TRDN: variants seen among roughly 807,000 people sequenced by gnomAD.
The protein encoded by TRDN is triadin in skeletal muscle.
Under a neutral mutation model 149.7 loss-of-function variants are expected in TRDN, and 161 were observed. The ratio of observed to expected loss-of-function variants is 1.08; its 90% CI spans 0.95 to 1.23. The LOEUF (loss-of-function observed/expected upper bound fraction) is 1.23, where lower values mean the gene tolerates loss of function less well. TRDN is among the 50% of genes most tolerant of loss of function. The pLI is 0.00. For synonymous variants in TRDN, 294 were observed against 250.5 expected (o/e 1.17, Z -1.64); for missense variants, 896 against 823.5 (o/e 1.09, Z -1.08).
chr6:123,416,100 G>A (rs1773639227), intron 12 of TRDN, among the ~76,000 whole-genome samples: 1 of 152,172 alleles, frequency 6.6e-6, no homozygotes, highest in Non-Finnish European at 1.5e-5. Context: ...TTCAGTGACA[G>A]CAGTGTCACT....
rs760326107 is a variant in TRDN, at chr6:123,571,036, A to C, written c.119T>G (p.Ile40Arg). ...TGCAGGGGAGCTGAACGTCGTCACT[A>C]TGTCTTCTGTGACTGTCCTCTTCAG... Reference protein sequence around the residue: ...KVLKRTVTEDIVTTFSSPAAW... With the variant: ...KVLKRTVTEDRVTTFSSPAAW... The change falls in exon 2 of 41, where the codon ATA becomes AGA. Residue 40 changes from isoleucine (I) to arginine (R), a missense_variant. Physicochemically the swap from Ile to Arg is moderately conservative, Grantham distance 97 (BLOSUM62 -3). Transcript: ENST00000334268. 1.9e-6 allele frequency: 3 copies of C among 1,613,964 alleles called. No homozygotes were observed. Among genetic ancestry groups the C allele is most frequent in the South Asian group, 2.2e-5 (2 of 91,076 alleles).
At chr6:123,372,134 C>T (rs1041086166) in intron 19 of TRDN, among the ~76,000 whole-genome samples, 2 of 151,998 alleles carry the variant, frequency 1.3e-5, no homozygotes, top group Non-Finnish European at 2.9e-5. Context: ...TTCCCGGAGA[C>T]TTCTGCCATT....
chr6:123,218,714 A>G lies in TRDN; in HGVS notation c.2077T>C (p.Tyr693His), dbSNP rs1775030256. 6.3e-7 allele frequency: 1 copy of G among 1,584,260 alleles called. No homozygotes were observed. The highest frequency in any genetic ancestry group is 1.1e-5 in the South Asian group (1 of 88,016). The change falls in exon 41 of 41, where the codon TAC (tyrosine) becomes CAC (histidine). Residue 693 changes from tyrosine to histidine, a missense_variant. Coordinates refer to ENST00000334268, the MANE Select transcript of TRDN (RefSeq NM_006073.4). ...CCATAGCCATTGTACCCATCCAAGTAGACACACTGGAAGAAACTGATGGGA... is the reference window on the plus strand; with the variant it reads ...CCATAGCCATTGTACCCATCCAAGTGGACACACTGGAAGAAACTGATGGGA... ...KSPISFFQCV[Y>H]LDGYNGYGFQ...
chr6:123,571,002 A>G lies in TRDN; in HGVS notation c.153T>C (p.Leu51=), dbSNP rs899552776. Residue 51 remains leucine, a synonymous_variant, in exon 2 of 41, where the codon CTT becomes CTC. Coordinates refer to ENST00000334268, the MANE Select transcript of TRDN (RefSeq NM_006073.4). The stretch of plus-strand genomic sequence containing the variant: ...ACGTGATTATCAGGGCAATGACCAG[A>G]AGCCAGGCTGCAGGGGAGCTGAACG... ...VTTFSSPAAW[L]LVIALIITWS... 2 of 1,614,010 alleles carry G rather than the reference A, an allele frequency of 1.2e-6. No homozygotes were observed. The highest frequency in any genetic ancestry group is 1.7e-6 in the Non-Finnish European group (2 of 1,179,860).
At chr6:123,294,479 G>T (rs1451382554) in intron 24 of TRDN, among the ~76,000 whole-genome samples, 1 of 152,152 alleles carries the variant, frequency 6.6e-6, no homozygotes, top group Non-Finnish European at 1.5e-5. Flanking sequence ...GGGGTCGGGG[G>T]TGTGGATAGG....
chr6:123,266,208 TATATATTATA>T (rs1412900296), intron 32 of TRDN, among the ~76,000 whole-genome samples: 1 of 74,128 alleles, frequency 1.3e-5, no homozygotes, highest in Non-Finnish European at 2.3e-5. Flanking sequence ...TTATATATTA[TATATATTATA>T]ATATGTATTA....
chr6:123,268,772 C>A (rs1325775889), intron 31 of TRDN, among the ~76,000 whole-genome samples: 2 of 151,842 alleles, frequency 1.3e-5, no homozygotes, highest in Non-Finnish European at 2.9e-5. Flanking sequence ...ACTGAATTTG[C>A]ATAAATGTTA....
intron 12 of TRDN, among the ~76,000 whole-genome samples, chr6:123,414,616 A>C (rs1773577596): frequency 6.6e-6 from 1 of 152,114 alleles, no homozygotes. Flanking sequence ...CCCAATCAAG[A>C]ACTTGGAAGC....
chr6:123,574,893 T>TAC (rs1321883957), intron 1 of TRDN, among the ~76,000 whole-genome samples: 6 of 94,030 alleles, frequency 6.4e-5, no homozygotes, highest in African/African-American at 3.1e-4. Context: ...TATATATATA[T>TAC]ACACACATTT....
intron 21 of TRDN, among the ~76,000 whole-genome samples, chr6:123,345,908 C>T (rs187055165): frequency 6.6e-6 from 1 of 151,920 alleles, no homozygotes; most frequent in Non-Finnish European, 1.5e-5. Context: ...GCCCTGAAAC[C>T]TTGTTATATT....
intron 4 of TRDN, among the ~76,000 whole-genome samples, chr6:123,531,166 T>G (rs943399135): frequency 6.6e-6 from 1 of 152,050 alleles, no homozygotes; most frequent in Admixed American, 6.6e-5. Context: ...TTCTGCTAGC[T>G]TCAGTATACA....
intron 24 of TRDN, among the ~76,000 whole-genome samples, chr6:123,287,439 GGTGTACCTGATGCAT>G (rs1777840436): frequency 6.6e-6 from 1 of 152,030 alleles, no homozygotes; most frequent in Non-Finnish European, 1.5e-5. Context: ...TAATCTTCCA[GGTGTACCTGATGCAT>G]GTTGAAATTT....
chr6:123,621,206 A>C (rs1277485496), intron 1 of TRDN, among the ~76,000 whole-genome samples: 3 of 151,840 alleles, frequency 2.0e-5, no homozygotes, highest in African/African-American at 7.3e-5. Flanking sequence ...CAGAGACAAA[A>C]CTCTGAGAAG....
In TRDN at chr6:123,413,245, T is replaced by A. The variant is rs140059230; in HGVS notation, c.1052-19568A>T. Reference sequence around the variant, plus strand: ...GGGGCAACAGTAGCAGTAATGCCAATGACATCAGCATCTCAGTCTCTCAGT... The same window carrying A: ...GGGGCAACAGTAGCAGTAATGCCAAAGACATCAGCATCTCAGTCTCTCAGT... On this transcript the variant is annotated intron_variant, in intron 12 of 40. Coordinates refer to ENST00000334268, the MANE Select transcript of TRDN (RefSeq NM_006073.4). Among the ~76,000 whole-genome samples the A allele has an allele frequency of 2.7e-3, 417 of 152,316 alleles. 2 individuals are homozygous for A. Among genetic ancestry groups the A allele is most frequent in the African/African-American group, 9.5e-3 (394 of 41,590 alleles).
At chr6:123,258,411 G>T (rs1279999358) in intron 35 of TRDN, among the ~76,000 whole-genome samples, 1 of 151,986 alleles carries the variant, frequency 6.6e-6, no homozygotes, top group African/African-American at 2.4e-5. Context: ...TTTTGTCATT[G>T]GTTCTGTTTA....
intron 9 of TRDN, among the ~76,000 whole-genome samples, chr6:123,478,510 G>C (rs749747330): frequency 6.6e-6 from 1 of 152,088 alleles, no homozygotes; most frequent in Non-Finnish European, 1.5e-5. Context: ...TCATATTTGC[G>C]TATAGGTAAG....
intron 1 of TRDN, among the ~76,000 whole-genome samples, chr6:123,591,036 G>A (rs1783753691): frequency 6.6e-6 from 1 of 152,036 alleles, no homozygotes; most frequent in African/African-American, 2.4e-5. Flanking sequence ...TTAATTATCA[G>A]TAATATAAAT....
intron 14 of TRDN, among the ~76,000 whole-genome samples, chr6:123,387,751 T>C (rs1781961505): frequency 6.6e-6 from 1 of 151,992 alleles, no homozygotes; most frequent in Non-Finnish European, 1.5e-5. Flanking sequence ...AGATCACAAA[T>C]AAAGAACTGG....
chr6:123,618,735 C>T (rs368694852), intron 1 of TRDN, among the ~76,000 whole-genome samples: 16 of 152,202 alleles, frequency 1.1e-4, no homozygotes, highest in African/African-American at 3.9e-4. Context: ...ATCTTTTGGG[C>T]ATTCTAATTT....
Sources: allele counts gnomAD v4.1 joint callset (sites outside exome capture counted in the v4.1 genomes callset), GRCh38; gene constraint gnomAD v4.1.1; transcripts MANE v1.5; gene names NCBI Gene and HGNC (gene_info 2026-07-23, HGNC 2026-07-21).